PNKD: variants seen among roughly 807,000 people sequenced by gnomAD.
The protein encoded by PNKD is probable thioesterase PNKD.
PNKD carries 36 observed loss-of-function variants against 45.3 expected under a neutral mutation model. That is an observed-to-expected ratio of 0.80 (90% CI 0.61 to 1.05). The LOEUF (loss-of-function observed/expected upper bound fraction) is 1.05, where lower values mean the gene tolerates loss of function less well. Among genes scored for constraint, PNKD ranks in the 50% least tolerant of loss-of-function variants. The pLI is 0.00. For synonymous variants in PNKD, 197 were observed against 210.1 expected (o/e 0.94, Z 0.54); for missense variants, 511 against 506.6 (o/e 1.01, Z -0.08).
In PNKD at chr2:218,282,101, T is replaced by C. The variant is rs373140787; in HGVS notation, c.236+10552T>C. 7 of 1,559,006 alleles carry C rather than the reference T, an allele frequency of 4.5e-6. No homozygotes were observed. The highest frequency in any genetic ancestry group is 6.1e-6 in the Non-Finnish European group (7 of 1,153,678). ...GGGCGGAGGGCCTGGGTACAGGGGG[T>C]TGCGGTCTTCATATGGTGGTGGGGC... On this transcript the variant is annotated intron_variant, in intron 2 of 9. Transcript: ENST00000273077.
intron 2 of PNKD, among the ~76,000 whole-genome samples, chr2:218,272,126 C>T (rs1690860963): frequency 6.6e-6 from 1 of 152,098 alleles, no homozygotes; most frequent in South Asian, 2.1e-4. Context: ...TGCTCTTTCC[C>T]CCATACCAAA....
rs1574717459 is a variant in PNKD, at chr2:218,339,654, T to C, written c.237-129T>C. The C allele has an allele frequency of 3.4e-5, 24 of 711,368 alleles. No homozygotes were observed. The East Asian group carries it at 6.4e-4, about 19-fold the overall frequency. 44.1% of individuals were successfully genotyped at this position (711,368 alleles called of 1,614,324 possible). ...GGGCAAACAGTAGGCACATAATAAGTGAGAGTGGAATTGCATTGGCTCACA... is the reference window on the plus strand; with the variant it reads ...GGGCAAACAGTAGGCACATAATAAGCGAGAGTGGAATTGCATTGGCTCACA... On this transcript the variant is annotated intron_variant, in intron 2 of 9. Transcript: ENST00000273077.
chr2:218,295,059 T>C (rs537245334), intron 2 of PNKD, among the ~76,000 whole-genome samples: 2 of 152,264 alleles, frequency 1.3e-5, no homozygotes, highest in East Asian at 3.9e-4. Context: ...GAGTGGGACA[T>C]GGGGCACACG....
At chr2:218,283,284 C>T (rs1208809476) in intron 2 of PNKD, among the ~76,000 whole-genome samples, 1 of 152,202 alleles carries the variant, frequency 6.6e-6, no homozygotes, top group Non-Finnish European at 1.5e-5. Flanking sequence ...GGAAGTGATT[C>T]CCCAGAACCC....
intron 2 of PNKD, chr2:218,280,644 G>A (rs1488772633): frequency 6.3e-6 from 1 of 158,432 alleles, no homozygotes; most frequent in African/African-American, 2.4e-5. Flanking sequence ...CACATGTCCA[G>A]GTGAGAGCTG....
At chr2:218,328,126 A>C (rs577611758) in intron 2 of PNKD, among the ~76,000 whole-genome samples, 1 of 151,970 alleles carries the variant, frequency 6.6e-6, no homozygotes, top group South Asian at 2.1e-4. Context: ...ATCTTTTAGC[A>C]CCCTTCAGCC....
intron 2 of PNKD, among the ~76,000 whole-genome samples, chr2:218,297,422 G>A: frequency 6.6e-6 from 1 of 152,182 alleles, no homozygotes; most frequent in Non-Finnish European, 1.5e-5. Context: ...AGTGGTTCAT[G>A]CCTGTAATCC....
rs763798469 is a variant in PNKD, at chr2:218,271,566, C to T, written c.236+17C>T. The stretch of plus-strand genomic sequence containing the variant: ...ACTGGCCTGGTGAGTTTTAACCACC[C>T]CTTTGCCCACCAACGGGGCGTGGCT... On this transcript the variant is annotated intron_variant, in intron 2 of 9. Transcript: ENST00000273077. 1.2e-6 allele frequency: 2 copies of T among 1,609,224 alleles called. No homozygotes were observed. Among genetic ancestry groups the T allele is most frequent in the Middle Eastern group, 1.7e-4 (1 of 6,042 alleles).
chr2:218,300,672 G>C (rs1222431333), intron 2 of PNKD, among the ~76,000 whole-genome samples: 2 of 151,490 alleles, frequency 1.3e-5, no homozygotes, highest in Non-Finnish European at 2.9e-5. Flanking sequence ...CAGCCTCCCA[G>C]GTAGCTGGGA....
rs1559496565 is a variant in PNKD at position 218,272,584 on chromosome 2, C to T, written c.236+1035C>T. On this transcript the variant is annotated intron_variant, in intron 2 of 9. Coordinates refer to ENST00000273077, the MANE Select transcript of PNKD (RefSeq NM_015488.5). Reference sequence around the variant, plus strand: ...CCCACCCGTAGGGCCATCGGCTTCCCTTGTGGTATCCTCCTCTTCATCCTC... The same window carrying T: ...CCCACCCGTAGGGCCATCGGCTTCCTTTGTGGTATCCTCCTCTTCATCCTC... 3.7e-6 allele frequency: 6 copies of T among 1,613,936 alleles called. No individual in the cohort carries two copies. The South Asian group carries it at 6.6e-5, about 18-fold the overall frequency.
At chr2:218,309,084 A>C (rs1031523437) in intron 2 of PNKD, among the ~76,000 whole-genome samples, 1 of 151,868 alleles carries the variant, frequency 6.6e-6, no homozygotes, top group Non-Finnish European at 1.5e-5. Flanking sequence ...TATTTAAATA[A>C]AAATAAAATA....
chr2:218,343,682 G>GGAA, intron 8 of PNKD, 96 bp downstream of exon 8: 1 of 917,866 alleles, frequency 1.1e-6, no homozygotes, highest in Non-Finnish European at 1.8e-6. Flanking sequence ...AAGCAGGCCA[G>GGAA]CCCAGTTCCT....
At chr2:218,292,563 C>G (rs1693012298) in intron 2 of PNKD, 1 of 151,924 alleles carries the variant, frequency 6.6e-6, no homozygotes, top group Admixed American at 6.6e-5. Flanking sequence ...CGCCCCGCCC[C>G]GTCGCGCCGG....
intron 9 of PNKD, 52 bp downstream of exon 9, chr2:218,344,622 A>G (rs769675729): frequency 1.3e-6 from 2 of 1,505,272 alleles, no homozygotes; most frequent in Non-Finnish European, 1.8e-6. Flanking sequence ...CTCAGCCCCA[A>G]CGGGAACCCA....
rs182043794 is a variant in PNKD at position 218,343,650 on chromosome 2, C to T, written c.868+64C>T. On this transcript the variant is annotated intron_variant, in intron 8 of 9. Transcript: ENST00000273077. ...ACGCTCAGCCTGGGACAAGGGCCTT[C>T]CCACCCCCTCACTCCCCTAGAAAGC... 9.4e-5 allele frequency: 114 copies of T among 1,218,224 alleles called. No individual in the cohort carries two copies. The African/African-American group carries it at 1.5e-3, about 16-fold the overall frequency. 75.5% of individuals were successfully genotyped at this position (1,218,224 alleles called of 1,614,324 possible).
At chr2:218,300,414 A>G (rs1693244082) in intron 2 of PNKD, among the ~76,000 whole-genome samples, 1 of 152,184 alleles carries the variant, frequency 6.6e-6, no homozygotes, top group African/African-American at 2.4e-5. Context: ...ATTGCTGCCT[A>G]TATCACCACT....
chr2:218,316,765 C>G (rs1435895442), intron 2 of PNKD: 1 of 152,204 alleles, frequency 6.6e-6, no homozygotes, highest in Non-Finnish European at 1.5e-5. Context: ...CAAAACGGAA[C>G]TGCCAAGCAC....
Position 218,344,700 on chromosome 2 carries a change from A to C in PNKD, c.985-108A>C. The C allele has an allele frequency of 2.8e-6, 4 of 1,418,878 alleles. No homozygotes were observed. The South Asian group carries it at 4.6e-5, about 16-fold the overall frequency. 87.9% of individuals were successfully genotyped at this position (1,418,878 alleles called of 1,614,324 possible). ...GACCTCTTTGGCCCATGGGCCCTCA[A>C]GTCAGAACTCCTGAACTCCAGGATG... On this transcript the variant is annotated intron_variant, in intron 9 of 9. Coordinates refer to ENST00000273077, the MANE Select transcript of PNKD (RefSeq NM_015488.5).
Position 218,273,646 on chromosome 2 carries a change from A to T in PNKD, c.236+2097A>T, listed in dbSNP as rs865841853. 1.8e-3 allele frequency among the ~76,000 whole-genome samples: 229 copies of T among 126,224 alleles called. 2 individuals carry two copies. The highest frequency in any genetic ancestry group is 3.2e-3 in the Non-Finnish European group (181 of 55,752). 82.8% of individuals were successfully genotyped at this position (126,224 alleles called of 152,430 possible). A position where few individuals can be genotyped will look rare whatever the true frequency, so the allele number is the denominator to read the frequency against. Reference sequence around the variant, plus strand: ...CAGGCACTCACCGCCACTCCCAGTTAATTTTTTTTTTTTTTTGTACTTTTA... The same window carrying T: ...CAGGCACTCACCGCCACTCCCAGTTTATTTTTTTTTTTTTTTGTACTTTTA... On this transcript the variant is annotated intron_variant, in intron 2 of 9. Transcript: ENST00000273077.
Sources: allele counts gnomAD v4.1 joint callset (sites outside exome capture counted in the v4.1 genomes callset), GRCh38; gene constraint gnomAD v4.1.1; transcripts MANE v1.5; gene names NCBI Gene and HGNC (gene_info 2026-07-23, HGNC 2026-07-21).